Variants in LCMT1 observed in about 807,000 individuals in gnomAD.
LCMT1 encodes the protein leucine carboxyl methyltransferase 1.
Under a neutral mutation model 47.7 loss-of-function variants are expected in LCMT1, and 32 were observed. The observed-to-expected ratio is 0.67, with a 90% CI of 0.51 to 0.90. The LOEUF is 0.90. Ranked by LOEUF, LCMT1 falls within the 40% of genes least tolerant of loss-of-function variation. LCMT1 has a pLI of 0.00. For synonymous variants in LCMT1, 152 were observed against 149.7 expected, an observed-to-expected ratio of 1.02 and a Z score of -0.11; for missense variants, 375 against 415.2, an observed-to-expected ratio of 0.90 and a Z score of 0.84.
intron 7 of LCMT1, 149 bp from the exon 8 acceptor site, chr16:25,168,963 G>T: frequency 4.9e-6 from 3 of 618,310 alleles, no homozygotes; most frequent in Non-Finnish European, 8.8e-6. Flanking sequence ...CCAGCACCGT[G>T]CTGGTGCCCG....
At chr16:25,134,538 CTG>C (rs749233690) in intron 3 of LCMT1, among the ~76,000 whole-genome samples, 56 of 152,170 alleles carry the variant, frequency 3.7e-4, no homozygotes, top group Non-Finnish European at 7.6e-4. Context: ...CACACAGCCT[CTG>C]TGGTTTTTCA....
intron 3 of LCMT1, among the ~76,000 whole-genome samples, chr16:25,132,825 G>A (rs1790436746): frequency 6.6e-6 from 1 of 151,250 alleles, no homozygotes; most frequent in Non-Finnish European, 1.5e-5. Flanking sequence ...CAGTAGAATT[G>A]CTGGAATGGA....
chr16:25,137,310 A>G (rs1196168319), intron 3 of LCMT1, among the ~76,000 whole-genome samples: 1 of 152,128 alleles, frequency 6.6e-6, no homozygotes, highest in African/African-American at 2.4e-5. Flanking sequence ...CTGGGATTAC[A>G]GGCGTGAGCC....
rs949915316 is a variant in LCMT1, at chr16:25,132,492, C to T, written c.296C>T (p.Ala99Val). Residue 99 changes from alanine (A) to valine (V), a missense_variant, in exon 3 of 11, where the codon GCA (alanine) becomes GTA (valine). Physicochemically the swap from Ala to Val is moderately conservative, Grantham distance 64. Transcript: ENST00000399069. The stretch of plus-strand genomic sequence containing the variant: ...CATTGTCAAATTGTCAACCTTGGGG[C>T]AGGCATGGATACCACCTTCTGGAGA... ...ECHCQIVNLG[A>V]GMDTTFWRLK... 1 of 1,613,862 alleles carries T rather than the reference C, an allele frequency of 6.2e-7. No homozygotes were observed. The highest frequency in any genetic ancestry group is 1.7e-5 in the Admixed American group (1 of 60,014).
At chr16:25,121,408 CAAAAGA>C (rs1003100332) in intron 1 of LCMT1, among the ~76,000 whole-genome samples, 7 of 151,902 alleles carry the variant, frequency 4.6e-5, no homozygotes, top group Admixed American at 2.6e-4. Flanking sequence ...GACTCCATCT[CAAAAGA>C]AAAAGAAAAA....
chr16:25,151,406 C>CT, intron 4 of LCMT1, 148 bp from the exon 5 acceptor site: 1 of 654,858 alleles, frequency 1.5e-6, no homozygotes. Context: ...AACTGAAGCC[C>CT]TTTTTAGAGG....
rs771806429 is a variant in LCMT1 at position 25,140,128 on chromosome 16, T to G, written c.328-43T>G. ...TGATATGTGGAAGATGATCAGCACA[T>G]GTAAGAGTAAAGAAATAAAAAGTAT... On this transcript the variant is annotated intron_variant, in intron 3 of 10. Transcript: ENST00000399069. The G allele has an allele frequency of 5.0e-6, 7 of 1,413,696 alleles. No homozygotes were observed. In the African/African-American group the frequency reaches 7.1e-5, roughly 14 times the overall value. The allele number at this position is 1,413,696 out of a possible 1,614,324, so 87.6% of individuals were successfully genotyped here.
At chr16:25,161,307 ATTC>A in intron 6 of LCMT1, 103 bp downstream of exon 6, 2 of 579,326 alleles carry the variant, frequency 3.5e-6, no homozygotes, top group Non-Finnish European at 5.9e-6. Flanking sequence ...TCCATTTTTT[ATTC>A]TTTAAGAGTT....
At chr16:25,121,043 G>A (rs1959971071) in intron 1 of LCMT1, among the ~76,000 whole-genome samples, 2 of 150,308 alleles carry the variant, frequency 1.3e-5, no homozygotes, top group African/African-American at 2.4e-5. Context: ...TTATAGGCAT[G>A]AGCCAACACA....
chr16:25,155,473 G>T (rs1041063968), intron 5 of LCMT1, among the ~76,000 whole-genome samples: 1 of 151,968 alleles, frequency 6.6e-6, no homozygotes, highest in Admixed American at 6.6e-5. Context: ...CTTTAGCCCA[G>T]GAGTTGTAGG....
chr16:25,115,115 C>CA (rs1959745987), intron 1 of LCMT1, among the ~76,000 whole-genome samples: 1 of 152,202 alleles, frequency 6.6e-6, no homozygotes, highest in South Asian at 2.1e-4. Context: ...CCTGATGCTG[C>CA]ACTGCCTCAC....
intron 5 of LCMT1, among the ~76,000 whole-genome samples, chr16:25,153,112 G>A (rs1356138910): frequency 2.6e-5 from 4 of 152,038 alleles, no homozygotes; most frequent in Admixed American, 2.6e-4. Context: ...GGCGGGGGTG[G>A]CAAGGAGTCT....
intron 7 of LCMT1, among the ~76,000 whole-genome samples, chr16:25,165,641 C>T (rs552191869): frequency 2.8e-4 from 43 of 152,156 alleles, no homozygotes; most frequent in Admixed American, 2.6e-4. Context: ...CCTCAGCCTT[C>T]CAAGTAGCTG....
chr16:25,127,670 A>G (rs952668366), intron 1 of LCMT1, among the ~76,000 whole-genome samples: 3 of 152,354 alleles, frequency 2.0e-5, no homozygotes, highest in South Asian at 2.1e-4. Context: ...TTGGGCTGCA[A>G]GTAACAGAAG....
At chr16:25,176,431 G>C (rs1961941059) in intron 10 of LCMT1, among the ~76,000 whole-genome samples, 1 of 151,682 alleles carries the variant, frequency 6.6e-6, no homozygotes. Flanking sequence ...GTTGACATGA[G>C]ACTGATAATC....
At chr16:25,115,020 C>T (rs1242023932) in intron 1 of LCMT1, among the ~76,000 whole-genome samples, 1 of 152,178 alleles carries the variant, frequency 6.6e-6, no homozygotes, top group Non-Finnish European at 1.5e-5. Context: ...GAGGCACTCA[C>T]TTTCTTGAAC....
chr16:25,129,803 C>T (rs1043576246), intron 2 of LCMT1, among the ~76,000 whole-genome samples: 1 of 152,160 alleles, frequency 6.6e-6, no homozygotes, highest in Non-Finnish European at 1.5e-5. Flanking sequence ...CTGAGCATAT[C>T]TTAGTTTTCA....
rs550522385 is a variant in LCMT1 at position 25,168,973 on chromosome 16, G to T, written c.691-139G>T. 5.6e-4 allele frequency: 359 copies of T among 636,696 alleles called. 1 individual carries two copies. Among genetic ancestry groups the T allele is most frequent in the Non-Finnish European group, 8.3e-4 (295 of 355,942 alleles). 39.4% of individuals were successfully genotyped at this position (636,696 alleles called of 1,614,324 possible). On this transcript the variant is annotated intron_variant, in intron 7 of 10. Transcript: ENST00000399069. The stretch of plus-strand genomic sequence containing the variant: ...TCCCGCCAGCACCGTGCTGGTGCCC[G>T]CCCCTCAGTCCGTTTCCTATGCTGG...
chr16:25,128,895 T>TG (rs1181060030), intron 2 of LCMT1, among the ~76,000 whole-genome samples: 1 of 122,174 alleles, frequency 8.2e-6, no homozygotes, highest in Admixed American at 8.8e-5. Flanking sequence ...CATCACACAC[T>TG]GGGGCCTGTC....
Sources: allele counts gnomAD v4.1 joint callset (sites outside exome capture counted in the v4.1 genomes callset), GRCh38; gene constraint gnomAD v4.1.1; transcripts MANE v1.5; gene names NCBI Gene and HGNC (gene_info 2026-07-23, HGNC 2026-07-21).